The following CCAR2 variants were observed in gnomAD, a reference collection of about 807,000 sequenced individuals.
The protein encoded by CCAR2 is cell cycle and apoptosis regulator protein 2.
CCAR2 carries 21 observed loss-of-function variants against 108.1 expected under a neutral mutation model. The observed-to-expected ratio is 0.19, with a 90% CI of 0.14 to 0.28. The LOEUF (loss-of-function observed/expected upper bound fraction) is 0.28, where lower values mean the gene tolerates loss of function less well. CCAR2 is among the 10% of genes least tolerant of loss of function. CCAR2 has a pLI of 1.00. For synonymous variants in CCAR2, 577 were observed against 472.8 expected (o/e 1.22, Z -2.86); for missense variants, 1,126 against 1,177.0 (o/e 0.96, Z 0.63).
At position 22,618,933 on chromosome 8, in the gene CCAR2, G is replaced by T; in HGVS notation, c.2439G>T (p.Gly813=). The part of the protein sequence containing the change: ...VSHNGSLINV[G]SLLQRAEQQD... ...ACAATGGCAGCCTGATTAACGTGGG[G>T]AGCCTGCTGCAGCGCGCGGAGCAGC... The change falls in exon 19 of 21, where the codon GGG becomes GGT. Residue 813 remains glycine, a synonymous_variant. Coordinates refer to ENST00000308511, the MANE Select transcript of CCAR2 (RefSeq NM_001393997.1). 6.2e-7 allele frequency: 1 copy of T among 1,613,754 alleles called. No individual in the cohort carries two copies. Among genetic ancestry groups the T allele is most frequent in the Non-Finnish European group, 8.5e-7 (1 of 1,180,038 alleles).
At chr8:22,621,160 A>G, downstream of CCAR2, 1 of 458,814 alleles carries the variant, frequency 2.2e-6, no homozygotes, top group Non-Finnish European at 3.9e-6. Context: ...GTGGGCCAGG[A>G]TGCATGCTGG....
At position 22,614,078 on chromosome 8, in the gene CCAR2, C is replaced by T; in HGVS notation, c.705-14C>T. On this transcript the variant is annotated splice_polypyrimidine_tract_variant and intron_variant, in intron 8 of 20. Coordinates refer to ENST00000308511, the MANE Select transcript of CCAR2 (RefSeq NM_001393997.1). ...TCTTTGCTCAGTCTGGATTCCCTTG[C>T]TGTCTTCCTGTAGCCCCATCTGTGA... 6.2e-7 allele frequency: 1 copy of T among 1,608,008 alleles called. No individual in the cohort carries two copies. Among genetic ancestry groups the T allele is most frequent in the Admixed American group, 1.7e-5 (1 of 59,998 alleles).
rs201630077 is a variant in CCAR2, at chr8:22,617,685, C to T, written c.1991-11C>T. Reference sequence around the variant, plus strand: ...GGGCCCTGCTCTCCATTTATCTTGGCCTTTCTGTAGCAGGAGCAAAGCTGG... The same window carrying T: ...GGGCCCTGCTCTCCATTTATCTTGGTCTTTCTGTAGCAGGAGCAAAGCTGG... On this transcript the variant is annotated splice_polypyrimidine_tract_variant and intron_variant, in intron 15 of 20. Coordinates refer to ENST00000308511, the MANE Select transcript of CCAR2 (RefSeq NM_001393997.1). 2 of 1,614,152 alleles carry T rather than the reference C, an allele frequency of 1.2e-6. No individual in the cohort carries two copies. Among genetic ancestry groups the T allele is most frequent in the Admixed American group, 1.7e-5 (1 of 60,026 alleles).
rs1801689750 is a variant in CCAR2, at chr8:22,619,753, C to T, written c.*71C>T. ...CGGCAAAGTTGGAGCCCTTGCGGTA[C>T]CAGAAAGCAGCGAGAGCGAGACCTG... is the stretch of plus-strand genomic sequence containing the variant. On this transcript the variant is annotated 3_prime_UTR_variant, in exon 21 of 21. Transcript: ENST00000308511. The T allele has an allele frequency of 6.6e-7, 1 of 1,503,812 alleles. No homozygotes were observed. Among genetic ancestry groups the T allele is most frequent in the Admixed American group, 2.0e-5 (1 of 50,966 alleles). The allele number at this position is 1,503,812 out of a possible 1,614,324, so 93.2% of individuals were successfully genotyped here. A position where few individuals can be genotyped will look rare whatever the true frequency, so the allele number is the denominator to read the frequency against.
chr8:22,620,410 A>AGTT lies in CCAR2; in HGVS notation c.*730_*732dup, dbSNP rs1456330023. The AGTT allele has an allele frequency of 2.2e-4, 30 of 138,758 alleles. No individual in the cohort carries two copies. The highest frequency in any genetic ancestry group is 7.3e-4 in the African/African-American group (26 of 35,852). The allele number at this position is 138,758 out of a possible 1,614,324, so 8.6% of individuals were successfully genotyped here. On this transcript the variant is annotated 3_prime_UTR_variant, in exon 21 of 21. Coordinates refer to ENST00000308511, the MANE Select transcript of CCAR2 (RefSeq NM_001393997.1). ...GGTTTCAGTTTGACTTTGTATATAA[A>AGTT]GTTGGGGTTTTTTTTTTTTTTTTTT... is the stretch of plus-strand genomic sequence containing the variant.
intron 1 of CCAR2, 38 bp downstream of exon 1, chr8:22,604,880 C>T: frequency 2.3e-6 from 1 of 427,706 alleles, no homozygotes; most frequent in South Asian, 1.6e-5. Context: ...TCTGCCCCTT[C>T]GCCCCTCCGC....
intron 7 of CCAR2, among the ~76,000 whole-genome samples, chr8:22,610,145 T>A (rs77130916): frequency 0.01 from 1,558 of 152,286 alleles, 24 homozygotes; most frequent in African/African-American, 0.035. Flanking sequence ...GAGGGAGATA[T>A]TATATTACCA....
chr8:22,611,143 T>C (rs971317624), intron 7 of CCAR2, among the ~76,000 whole-genome samples: 2 of 151,670 alleles, frequency 1.3e-5, no homozygotes, highest in Non-Finnish European at 3.0e-5. Context: ...GGCGGATTAC[T>C]TGAAGTCAGG....
At chr8:22,616,309 G>T in intron 14 of CCAR2, 61 bp downstream of exon 14, 1 of 1,520,714 alleles carries the variant, frequency 6.6e-7, no homozygotes, top group Non-Finnish European at 9.1e-7. Context: ...CCTTTACCCC[G>T]GGCTCTGTTC....
At chr8:22,611,495 CTTCT>C (rs753084750) in intron 7 of CCAR2, among the ~76,000 whole-genome samples, 13 of 149,128 alleles carry the variant, frequency 8.7e-5, no homozygotes, top group Non-Finnish European at 1.8e-4. Context: ...TGGTTTCTAC[CTTCT>C]TTCTCTTTAA....
chr8:22,621,208 A>T, downstream of CCAR2: 1 of 617,780 alleles, frequency 1.6e-6, no homozygotes. Context: ...GGGTTTGTCT[A>T]CACTGCTTAC....
intron 14 of CCAR2, 81 bp downstream of exon 14, chr8:22,616,329 C>T (rs942015530): frequency 3.0e-6 from 4 of 1,349,088 alleles, no homozygotes; most frequent in Admixed American, 1.7e-5. Context: ...CCGAGCGCTT[C>T]CTGTGCCTTA....
At chr8:22,608,257 G>C (rs1371038820) in intron 7 of CCAR2, among the ~76,000 whole-genome samples, 192 bp downstream of exon 7, 1 of 152,180 alleles carries the variant, frequency 6.6e-6, no homozygotes, top group Non-Finnish European at 1.5e-5. Flanking sequence ...AGACACAACT[G>C]AAATGTGTAT....
intron 7 of CCAR2, among the ~76,000 whole-genome samples, chr8:22,609,378 CT>C (rs1563909579): frequency 6.6e-6 from 1 of 152,178 alleles, no homozygotes; most frequent in Non-Finnish European, 1.5e-5. Context: ...TCTCGAACTC[CT>C]GGGCTCAAGT....
chr8:22,619,760 GC>G lies in CCAR2; in HGVS notation c.*79del. ...GTTGGAGCCCTTGCGGTACCAGAAAGCAGCGAGAGCGAGACCTGGGAGCCAG... is the reference window on the plus strand; with the variant it reads ...GTTGGAGCCCTTGCGGTACCAGAAAGAGCGAGAGCGAGACCTGGGAGCCAG... On this transcript the variant is annotated 3_prime_UTR_variant, in exon 21 of 21. Transcript: ENST00000308511. 6.8e-7 allele frequency: 1 copy of G among 1,480,058 alleles called. No individual in the cohort carries two copies. Among genetic ancestry groups the G allele is most frequent in the Non-Finnish European group, 9.2e-7 (1 of 1,088,920 alleles). 91.7% of individuals were successfully genotyped at this position (1,480,058 alleles called of 1,614,324 possible). A position where few individuals can be genotyped will look rare whatever the true frequency, so the allele number is the denominator to read the frequency against.
Position 22,615,499 on chromosome 8 carries a change from C to T in CCAR2, c.1280C>T (p.Pro427Leu), listed in dbSNP as rs144451284. The part of the protein sequence containing the change: ...RRLQTVVVYL[P>L]DVWTIMPTLE... ...CTTCAGACAGTGGTGGTGTACCTGC[C>T]GGATGTCTGGACCATCATGCCTACT... Residue 427 changes from proline to leucine, a missense_variant, in exon 12 of 21, where the codon CCG (proline) becomes CTG (leucine). Around this residue, in one of 4 missense-constraint regions of CCAR2, gnomAD observed 1,013 missense variants for 993.9 expected, o/e 1.02. Coordinates refer to ENST00000308511, the MANE Select transcript of CCAR2 (RefSeq NM_001393997.1). The T allele has an allele frequency of 6.4e-5, 104 of 1,613,946 alleles. No homozygotes were observed. The highest frequency in any genetic ancestry group is 1.6e-4 in the Middle Eastern group (1 of 6,062).
At chr8:22,619,478 C>G in intron 20 of CCAR2, 123 bp downstream of exon 20, 2 of 1,410,966 alleles carry the variant, frequency 1.4e-6, no homozygotes, top group Non-Finnish European at 1.9e-6. Flanking sequence ...TTCGTCTTTC[C>G]ATCGCTTGCC....
intron 11 of CCAR2, 178 bp from the exon 12 acceptor site, chr8:22,615,247 C>A: frequency 1.1e-6 from 1 of 901,566 alleles, no homozygotes; most frequent in East Asian, 2.6e-5. Flanking sequence ...TGCGGCCTCC[C>A]CACTGACTGA....
In CCAR2 at chr8:22,619,189, A is replaced by C; in HGVS notation, c.2561A>C (p.Asn854Thr). 2 of 1,596,128 alleles carry C rather than the reference A, an allele frequency of 1.3e-6. No homozygotes were observed. Among genetic ancestry groups the C allele is most frequent in the African/African-American group, 1.3e-5 (1 of 74,922 alleles). Reference protein sequence around the residue: ...HNRFSATEVTNKTLAAEMQEL... With the variant: ...HNRFSATEVTTKTLAAEMQEL... ...CGTTTCTCAGCCACTGAAGTAACCA[A>C]TAAGACGCTGGCGGCAGAGATGCAG... The change falls in exon 20 of 21, where the codon AAT (asparagine) becomes ACT (threonine). Residue 854 changes from asparagine (N) to threonine (T), a missense_variant. By Grantham distance (65) the Asn-to-Thr change is moderately conservative. Coordinates refer to ENST00000308511, the MANE Select transcript of CCAR2 (RefSeq NM_001393997.1).
Sources: allele counts gnomAD v4.1 joint callset (sites outside exome capture counted in the v4.1 genomes callset), GRCh38; gene constraint gnomAD v4.1.1; regional missense constraint gnomAD v4.1.1; transcripts MANE v1.5; gene names NCBI Gene and HGNC (gene_info 2026-07-23, HGNC 2026-07-21).